Variants in DMD observed in about 807,000 individuals in gnomAD.
DMD encodes dystrophin.
A neutral mutation model predicts 330.1 loss-of-function variants in DMD; 63 were observed. The observed-to-expected ratio is 0.19, with a 90% CI of 0.16 to 0.24. DMD has a LOEUF of 0.24. Among genes scored for constraint, DMD ranks in the 10% least tolerant of loss-of-function variants. DMD has a pLI of 1.00. For missense variants in DMD, 3,344 were observed against 2,684.1 expected (o/e 1.25, Z -5.43); for synonymous variants, 1,223 against 959.8 (o/e 1.27, Z -5.07).
At chrX:33,334,039 T>C (rs2054216824) in intron 1 of DMD, among the ~76,000 whole-genome samples, 1 of 111,193 alleles carries the variant, frequency 9.0e-6, no homozygotes, top group African/African-American at 3.3e-5. Context: ...TTTCTGTAAG[T>C]CTACTGAAAT....
chrX:31,937,750 T>C (rs747348800), intron 45 of DMD, among the ~76,000 whole-genome samples: 2 of 112,267 alleles, frequency 1.8e-5, no homozygotes, highest in Admixed American at 9.5e-5. Flanking sequence ...ATTCATCACA[T>C]GAAGTGTTAT....
intron 60 of DMD, among the ~76,000 whole-genome samples, chrX:31,374,578 G>C (rs1434829358): frequency 9.9e-6 from 1 of 101,046 alleles, no homozygotes. Flanking sequence ...ATGGACAAAA[G>C]ACCAAACACC....
At chrX:32,693,064 A>AG (rs1435942964) in intron 9 of DMD, among the ~76,000 whole-genome samples, 4 of 111,817 alleles carry the variant, frequency 3.6e-5, no homozygotes, top group Non-Finnish European at 7.5e-5. Context: ...AAGTAGATGT[A>AG]GGGGGGCAGA....
At chrX:32,588,038 T>C (rs916185078) in intron 13 of DMD, among the ~76,000 whole-genome samples, 7 of 111,339 alleles carry the variant, frequency 6.3e-5, no homozygotes, top group African/African-American at 2.0e-4. Context: ...TCCTCTTAAT[T>C]ACCTTACAAC....
intron 7 of DMD, among the ~76,000 whole-genome samples, chrX:32,737,328 G>C (rs1208866771): frequency 2.7e-5 from 3 of 110,905 alleles, no homozygotes; most frequent in Non-Finnish European, 5.7e-5. Flanking sequence ...TTTAGTGTGA[G>C]GAAAGAAAGG....
chrX:31,154,285 T>TTA (rs778618353), intron 74 of DMD, among the ~76,000 whole-genome samples: 4 of 110,231 alleles, frequency 3.6e-5, no homozygotes, highest in African/African-American at 1.3e-4. Context: ...TCTAATGTTT[T>TTA]TTTTTTATTT....
At chrX:32,721,971 G>C (rs2066367579) in intron 7 of DMD, among the ~76,000 whole-genome samples, 1 of 107,956 alleles carries the variant, frequency 9.3e-6, no homozygotes, top group Admixed American at 9.9e-5. Context: ...GATTATATAG[G>C]CTTAGGTTTA....
chrX:31,811,531 T>C (rs1048900312), intron 50 of DMD, among the ~76,000 whole-genome samples: 1 of 112,188 alleles, frequency 8.9e-6, no homozygotes, highest in African/African-American at 3.2e-5. Context: ...TTAAGGAGTC[T>C]CTCCAGCTGC....
intron 44 of DMD, among the ~76,000 whole-genome samples, chrX:32,136,890 G>A (rs2146997779): frequency 9.1e-6 from 1 of 109,716 alleles, no homozygotes; most frequent in Non-Finnish European, 1.9e-5. Context: ...GGATAGCATT[G>A]GGAGATTTAC....
Position 33,009,322 on chromosome X carries a change from GTA to G in DMD, c.93+10815_93+10816del, listed in dbSNP as rs1491273877. Among the ~76,000 whole-genome samples the G allele has an allele frequency of 1.6e-3, 64 of 39,772 alleles. 9 individuals carry two copies. Among genetic ancestry groups the G allele is most frequent in the African/African-American group, 4.8e-3 (60 of 12,463 alleles). 34.5% of individuals were successfully genotyped at this position (39,772 alleles called of 115,157 possible). A position where few individuals can be genotyped will look rare whatever the true frequency, so the allele number is the denominator to read the frequency against. Reference sequence around the variant, plus strand: ...TGTATATACACATGTGTGTATATGTGTATATGTGTATATACACGTGTATATAC... The same window carrying G: ...TGTATATACACATGTGTGTATATGTGTATGTGTATATACACGTGTATATAC... On this transcript the variant is annotated intron_variant, in intron 2 of 78. Coordinates refer to ENST00000357033, the MANE Select transcript of DMD (RefSeq NM_004006.3).
intron 62 of DMD, among the ~76,000 whole-genome samples, chrX:31,276,527 A>C (rs904522486): frequency 2.7e-5 from 3 of 112,093 alleles, no homozygotes; most frequent in African/African-American, 9.7e-5. Context: ...ACATTGGAAA[A>C]CTGTTTGGAA....
chrX:31,494,222 C>T (rs1382778577), intron 57 of DMD, among the ~76,000 whole-genome samples: 1 of 108,832 alleles, frequency 9.2e-6, no homozygotes, highest in African/African-American at 3.3e-5. Context: ...GGCTGGTCAT[C>T]CGGAAAAGGT....
At chrX:32,762,529 G>A (rs5972667) in intron 7 of DMD, among the ~76,000 whole-genome samples, 2,881 of 111,427 alleles carry the variant, frequency 0.026, 90 homozygotes, top group African/African-American at 0.089. Flanking sequence ...AGTGTGAATA[G>A]GATACAGGAA....
intron 44 of DMD, among the ~76,000 whole-genome samples, chrX:32,055,552 T>A (rs1276625345): frequency 1.8e-5 from 2 of 111,421 alleles, no homozygotes; most frequent in Non-Finnish European, 3.8e-5. Flanking sequence ...TGACCAATGT[T>A]TGAGATAATG....
intron 47 of DMD, among the ~76,000 whole-genome samples, chrX:31,904,083 T>A (rs753052571): frequency 1.8e-5 from 2 of 111,667 alleles, no homozygotes; most frequent in Admixed American, 1.9e-4. Flanking sequence ...CCTTATACTA[T>A]CTCTTAGAGA....
intron 43 of DMD, among the ~76,000 whole-genome samples, chrX:32,247,874 T>C (rs780125929): frequency 3.6e-5 from 4 of 111,919 alleles, no homozygotes; most frequent in Non-Finnish European, 5.6e-5. Flanking sequence ...CACACTAATC[T>C]TTGTTGAATG....
chrX:32,769,916 G>C (rs760370489), intron 7 of DMD, among the ~76,000 whole-genome samples: 1 of 111,390 alleles, frequency 9.0e-6, no homozygotes, highest in Non-Finnish European at 1.9e-5. Context: ...CTAGGACAGT[G>C]GCAAAGTTTT....
chrX:31,518,805 A>AATC (rs1419913058), intron 55 of DMD, among the ~76,000 whole-genome samples: 3 of 111,184 alleles, frequency 2.7e-5, no homozygotes, highest in African/African-American at 9.8e-5. Context: ...AACTTATACA[A>AATC]ATCATAGAGT....
chrX:33,287,366 A>G (rs979473684), intron 1 of DMD, among the ~76,000 whole-genome samples: 29 of 110,173 alleles, frequency 2.6e-4, no homozygotes, highest in African/African-American at 9.3e-4. Context: ...ATGCCAGTAC[A>G]ATGCTACCAC....
Sources: allele counts gnomAD v4.1 joint callset (sites outside exome capture counted in the v4.1 genomes callset), GRCh38; gene constraint gnomAD v4.1.1; transcripts MANE v1.5; gene names NCBI Gene and HGNC (gene_info 2026-07-23, HGNC 2026-07-21).